Variants in TAF1 observed in about 807,000 individuals in gnomAD.
TAF1 encodes TATA-box binding protein associated factor 1.
Under a neutral mutation model 138.5 loss-of-function variants are expected in TAF1, and 2 were observed. That is an observed-to-expected ratio of 0.01 (90% CI 0.01 to 0.05). The LOEUF is 0.05. Among genes scored for constraint, TAF1 ranks in the 10% least tolerant of loss-of-function variants. The probability of loss-of-function intolerance (pLI) is 1.00; values close to 1 mark genes in which losing one functional copy is unlikely to be tolerated. For missense variants in TAF1, 709 were observed against 1,478.0 expected (o/e 0.48, Z 8.53); for synonymous variants, 437 against 503.2 (o/e 0.87, Z 1.76).
At chrX:71,452,007 G>T (rs1160768725) in intron 32 of TAF1, among the ~76,000 whole-genome samples, 1 of 112,087 alleles carries the variant, frequency 8.9e-6, no homozygotes, top group Non-Finnish European at 1.9e-5. Flanking sequence ...CTCCCAGACG[G>T]GGTGGTGGCC....
At chrX:71,483,670 A>G (rs1208800059) in intron 13 of TAF1, among the ~76,000 whole-genome samples, 1 of 106,558 alleles carries the variant, frequency 9.4e-6, no homozygotes, top group Admixed American at 1.0e-4. Context: ...AGAGGTGGAT[A>G]AGGGAAACCT....
intron 13 of TAF1, among the ~76,000 whole-genome samples, chrX:71,479,697 G>A (rs1250721776): frequency 8.9e-6 from 1 of 112,014 alleles, no homozygotes; most frequent in Non-Finnish European, 1.9e-5. Context: ...TAATGTTCTG[G>A]TTTGTAAGCT....
chrX:71,476,943 CT>C (rs771577678), intron 13 of TAF1, among the ~76,000 whole-genome samples: 71 of 102,369 alleles, frequency 6.9e-4, no homozygotes, highest in African/African-American at 8.8e-4. Context: ...AAATTTTAGA[CT>C]TTTTTTTTTT....
In TAF1 at chrX:71,487,087, G is replaced by A. The variant is rs1470175725; in HGVS notation, c.1366+26284G>A. 6.6e-5 allele frequency among the ~76,000 whole-genome samples: 7 copies of A among 106,241 alleles called. No homozygotes were observed. In the Admixed American group the frequency reaches 7.1e-4, roughly 11 times the overall value. The allele number at this position is 106,241 out of a possible 115,157, so 92.3% of individuals were successfully genotyped here. A position where few individuals can be genotyped will look rare whatever the true frequency, so the allele number is the denominator to read the frequency against. ...GTGTTTATGGTATTCATCACATTTG[G>A]AAAAATTTCAGCCTTTTTTTTTTTT... On this transcript the variant is annotated intron_variant and NMD_transcript_variant, in intron 13 of 14. Coordinates refer to the TAF1 transcript ENST00000373775.
intron 6 of TAF1, 109 bp downstream of exon 6, chrX:71,377,930 T>A: frequency 2.2e-6 from 2 of 915,562 alleles, no homozygotes; most frequent in Non-Finnish European, 2.9e-6. Context: ...GCAGATAGAA[T>A]CTGTGCTAAT....
intron 13 of TAF1, chrX:71,528,138 A>G (rs1341811526): frequency 4.8e-6 from 1 of 206,882 alleles, no homozygotes; most frequent in Non-Finnish European, 9.1e-6. Flanking sequence ...GAAGTGTTTT[A>G]CCATGGGAGC....
intron 13 of TAF1, 38 bp from the exon 14 acceptor site, chrX:71,384,905 GAT>G: frequency 2.0e-6 from 2 of 1,013,451 alleles, no homozygotes; most frequent in Non-Finnish European, 2.8e-6. Flanking sequence ...TAGGATTATT[GAT>G]ATATTCTAAA....
intron 32 of TAF1, among the ~76,000 whole-genome samples, chrX:71,441,048 G>A (rs1250679525): frequency 2.7e-5 from 3 of 109,285 alleles, no homozygotes; most frequent in Non-Finnish European, 5.7e-5. Context: ...TTACAGGCAC[G>A]CAACATCATG....
At chrX:71,459,344 T>G in intron 35 of TAF1, 1 of 1,015,217 alleles carries the variant, frequency 9.9e-7, no homozygotes, top group Non-Finnish European at 1.3e-6. Context: ...TAAGATGATA[T>G]CAGGGGGTCT....
At position 71,388,646 on chromosome X, in the gene TAF1, A is replaced by G. The variant is rs899932379; in HGVS notation, c.2570-92A>G. On this transcript the variant is annotated intron_variant, in intron 16 of 37. Transcript: ENST00000423759. ...TGCCAACTGTGGCTAGGCCTGTTACAGTTTTGGTTTGCTGTCCCTGTTGCT... is the reference window on the plus strand; with the variant it reads ...TGCCAACTGTGGCTAGGCCTGTTACGGTTTTGGTTTGCTGTCCCTGTTGCT... 8.8e-6 allele frequency: 10 copies of G among 1,131,456 alleles called. No homozygotes were observed. The Admixed American group carries it at 1.6e-4, about 18-fold the overall frequency. The allele number at this position is 1,131,456 out of a possible 1,213,427, so 93.2% of individuals were successfully genotyped here. A position where few individuals can be genotyped will look rare whatever the true frequency, so the allele number is the denominator to read the frequency against.
intron 13 of TAF1, among the ~76,000 whole-genome samples, chrX:71,510,566 TG>T (rs2039713372): frequency 9.0e-6 from 1 of 111,665 alleles, no homozygotes; most frequent in African/African-American, 3.3e-5. Context: ...TAGAAGAGTT[TG>T]GGGGCAGGAG....
chrX:71,366,471 G>C lies in TAF1; in HGVS notation c.97G>C (p.Glu33Gln), dbSNP rs766126717. Residue 33 changes from glutamate (E) to glutamine (Q), a missense_variant, in exon 1 of 38, where the codon GAG (glutamate) becomes CAG (glutamine). By Grantham distance (29) the Glu-to-Gln change is conservative. Transcript: ENST00000423759. ...CAACATCAATGGAGCCGGGCAGCTG[G>C]AGGGGGAAAGCGTCTTGGATGATGT... ...FGNINGAGQL[E>Q]GESVLDDECK... 8.3e-7 allele frequency: 1 copy of C among 1,201,684 alleles called. No individual in the cohort carries two copies. Among genetic ancestry groups the C allele is most frequent in the South Asian group, 1.8e-5 (1 of 55,938 alleles).
At chrX:71,434,600 C>T (rs2037049668) in intron 32 of TAF1, among the ~76,000 whole-genome samples, 1 of 112,027 alleles carries the variant, frequency 8.9e-6, no homozygotes, top group Admixed American at 9.6e-5. Context: ...TAAAACACAT[C>T]TGGACATAAA....
At chrX:71,520,689 CAAAA>C (rs1234838881) in intron 13 of TAF1, among the ~76,000 whole-genome samples, 2 of 21,058 alleles carry the variant, frequency 9.5e-5, no homozygotes, top group Non-Finnish European at 1.8e-4. Flanking sequence ...AGTCTCAAAA[CAAAA>C]AAAAAAAAAG....
Position 71,397,335 on chromosome X carries a change from A to G in TAF1, c.3489A>G (p.Gly1163=), listed in dbSNP as rs1244109567. 6 of 1,209,480 alleles carry G rather than the reference A, an allele frequency of 5.0e-6. No individual in the cohort carries two copies. The highest frequency in any genetic ancestry group is 6.7e-6 in the Non-Finnish European group (6 of 895,195). Residue 1163 remains glycine, a synonymous_variant, in exon 23 of 38, where the codon GGA becomes GGG. Coordinates refer to ENST00000423759, the MANE Select transcript of TAF1 (RefSeq NM_004606.5). ...CTAGCCTTAACTCTTCTGCCACTGG[A>G]CGCTGTCTCAAGATTTATCGCACGT... The part of the protein sequence containing the change: ...SVTSLNSSAT[G]RCLKIYRTFR...
chrX:71,409,617 C>G (rs2035662396), intron 28 of TAF1, among the ~76,000 whole-genome samples: 1 of 111,268 alleles, frequency 9.0e-6, no homozygotes, highest in Admixed American at 9.6e-5. Context: ...TATTTAACTT[C>G]TCATACCCTC....
At chrX:71,381,968 G>A (rs1441771861) in intron 9 of TAF1, 49 bp downstream of exon 9, 1 of 1,102,326 alleles carries the variant, frequency 9.1e-7, no homozygotes, top group African/African-American at 1.9e-5. Flanking sequence ...AAAACTTGCT[G>A]TTAATGTCAA....
downstream of TAF1, among the ~76,000 whole-genome samples, chrX:71,469,780 C>T (rs1008148851): frequency 9.0e-6 from 1 of 111,163 alleles, no homozygotes; most frequent in Non-Finnish European, 1.9e-5. Flanking sequence ...TGGCTCACCG[C>T]AACCTCTACC....
chrX:71,467,879 G>A (rs1191825507), downstream of TAF1, among the ~76,000 whole-genome samples: 2 of 111,962 alleles, frequency 1.8e-5, no homozygotes, highest in African/African-American at 6.5e-5. Context: ...TGAGAATGTG[G>A]TAAACCAGGC....
Sources: allele counts gnomAD v4.1 joint callset (sites outside exome capture counted in the v4.1 genomes callset), GRCh38; gene constraint gnomAD v4.1.1; transcripts MANE v1.5; gene names NCBI Gene and HGNC (gene_info 2026-07-23, HGNC 2026-07-21).